THOC1: variants seen among roughly 807,000 people sequenced by gnomAD.
The protein encoded by THOC1 is THO complex subunit 1.
THOC1 carries 29 observed loss-of-function variants against 97.3 expected under a neutral mutation model. The observed-to-expected ratio is 0.30, with a 90% CI of 0.22 to 0.41. The LOEUF (loss-of-function observed/expected upper bound fraction) is 0.41, where lower values mean the gene tolerates loss of function less well. Ranked by LOEUF, THOC1 falls within the 10% of genes least tolerant of loss-of-function variation. THOC1 has a pLI of 1.00. For missense variants in THOC1, 529 were observed against 761.9 expected, an observed-to-expected ratio of 0.69 and a Z score of 3.60; for synonymous variants, 255 against 257.0, an observed-to-expected ratio of 0.99 and a Z score of 0.07.
chr18:237,696 G>T (rs963668610), intron 11 of THOC1, among the ~76,000 whole-genome samples: 4 of 152,120 alleles, frequency 2.6e-5, no homozygotes, highest in Non-Finnish European at 5.9e-5. Flanking sequence ...TTTCACAAAT[G>T]TGTTAGATAT....
At position 248,336 on chromosome 18, in the gene THOC1, G is replaced by A. The variant is rs142949214; in HGVS notation, c.678-379C>T. On this transcript the variant is annotated intron_variant, in intron 9 of 20. Coordinates refer to ENST00000261600, the MANE Select transcript of THOC1 (RefSeq NM_005131.3). ...TTATCACTGGCCTTTTCCTCTTCCT[G>A]CTGGCTAGAATGCAGATGTGAGCGT... Among the ~76,000 whole-genome samples the A allele has an allele frequency of 2.1e-3, 326 of 152,250 alleles. 2 individuals are homozygous for A. Among genetic ancestry groups the A allele is most frequent in the African/African-American group, 7.6e-3 (317 of 41,534 alleles).
At chr18:216,385 G>T in intron 19 of THOC1, 101 bp downstream of exon 19, 1 of 1,300,216 alleles carries the variant, frequency 7.7e-7, no homozygotes. Context: ...GTGGATCACT[G>T]GTTTTTCACA....
rs1912541387 is a variant in THOC1, at chr18:259,615, T to C, written c.424+67A>G. 3 of 1,177,608 alleles carry C rather than the reference T, an allele frequency of 2.5e-6. No homozygotes were observed. The Admixed American group carries it at 7.1e-5, about 28-fold the overall frequency. The allele number at this position is 1,177,608 out of a possible 1,614,324, so 72.9% of individuals were successfully genotyped here. A position where few individuals can be genotyped will look rare whatever the true frequency, so the allele number is the denominator to read the frequency against. ...TAAAATGTTATCACTGGTATTTAAT[T>C]CAACCATGTGTTTTTCTGGGCATAT... is the stretch of plus-strand genomic sequence containing the variant. On this transcript the variant is annotated intron_variant, in intron 6 of 20. Transcript: ENST00000261600.
intron 18 of THOC1, 94 bp from the exon 19 acceptor site, chr18:216,727 T>C: frequency 7.1e-7 from 1 of 1,407,064 alleles, no homozygotes. Flanking sequence ...GTATTTAAGG[T>C]AAATAGCTCA....
chr18:249,961 G>A (rs546814780), intron 9 of THOC1, among the ~76,000 whole-genome samples: 12 of 152,156 alleles, frequency 7.9e-5, no homozygotes, highest in Non-Finnish European at 1.6e-4. Context: ...TGAGACTCAT[G>A]CAACCATTAT....
chr18:240,374 G>A (rs1166557120), intron 11 of THOC1, among the ~76,000 whole-genome samples: 1 of 152,032 alleles, frequency 6.6e-6, no homozygotes, highest in Non-Finnish European at 1.5e-5. Flanking sequence ...CACACACAGA[G>A]GTTATTCTAA....
intron 11 of THOC1, among the ~76,000 whole-genome samples, chr18:243,018 G>A (rs1016086156): frequency 1.3e-5 from 2 of 152,134 alleles, no homozygotes; most frequent in Non-Finnish European, 2.9e-5. Context: ...TATGAAGAAT[G>A]TACAAAGAGG....
At position 214,570 on chromosome 18, in the gene THOC1, ATGC is replaced by A. The variant is rs1211290812; in HGVS notation, c.*53_*55del. 2.1e-6 allele frequency: 3 copies of A among 1,445,298 alleles called. No homozygotes were observed. In the African/African-American group the frequency reaches 4.3e-5, roughly 21 times the overall value. 89.5% of individuals were successfully genotyped at this position (1,445,298 alleles called of 1,614,324 possible). A position where few individuals can be genotyped will look rare whatever the true frequency, so the allele number is the denominator to read the frequency against. On this transcript the variant is annotated 3_prime_UTR_variant, in exon 21 of 21. Coordinates refer to ENST00000261600, the MANE Select transcript of THOC1 (RefSeq NM_005131.3). The stretch of plus-strand genomic sequence containing the variant: ...CCAAAACCAGTGGACCTCTTATCAA[ATGC>A]TGCTTGGTAACAAAATCTATCACAG...
intron 16 of THOC1, 132 bp from the exon 17 acceptor site, chr18:223,637 C>T (rs1340859021): frequency 3.0e-6 from 2 of 675,152 alleles, no homozygotes; most frequent in East Asian, 2.9e-5. Context: ...TTACTTTTCT[C>T]AATAATTTTT....
chr18:263,947 G>C, intron 4 of THOC1, 79 bp downstream of exon 4: 2 of 1,098,666 alleles, frequency 1.8e-6, no homozygotes, highest in Non-Finnish European at 2.7e-6. Flanking sequence ...AGGTGGAGAA[G>C]TATGGGGAGA....
intron 17 of THOC1, among the ~76,000 whole-genome samples, chr18:222,294 T>C (rs1911120040): frequency 6.6e-6 from 1 of 152,226 alleles, no homozygotes; most frequent in Non-Finnish European, 1.5e-5. Context: ...TCTTCATGTT[T>C]ACCAAAGTGT....
chr18:223,353 T>C (rs1567843548), intron 17 of THOC1, 87 bp downstream of exon 17: 2 of 1,065,268 alleles, frequency 1.9e-6, no homozygotes, highest in South Asian at 1.8e-5. Context: ...TAAATTTCAT[T>C]TGAGCTCTGA....
rs1430666903 is a variant in THOC1 at position 254,096 on chromosome 18, G to A, written c.603+177C>T. Reference sequence around the variant, plus strand: ...CTGCTAATTTTTGTACTTTTTTGTAGGAATGAGGATTTGCCATGTTGTCCA... The same window carrying A: ...CTGCTAATTTTTGTACTTTTTTGTAAGAATGAGGATTTGCCATGTTGTCCA... On this transcript the variant is annotated intron_variant, in intron 8 of 20. Transcript: ENST00000261600. The surrounding 1 kb of genome is among the most constrained non-coding windows in gnomAD (Gnocchi z 4.1). 6.6e-6 allele frequency among the ~76,000 whole-genome samples: 1 copy of A among 151,564 alleles called. No individual in the cohort carries two copies. The highest frequency in any genetic ancestry group is 2.4e-5 in the African/African-American group (1 of 41,248).
At chr18:241,929 C>G (rs1351935396) in intron 11 of THOC1, among the ~76,000 whole-genome samples, 2 of 152,092 alleles carry the variant, frequency 1.3e-5, no homozygotes, top group African/African-American at 2.4e-5. Flanking sequence ...AATAAGCAAC[C>G]CAGGTGTATC....
In THOC1 at chr18:225,127, T is replaced by C; in HGVS notation, c.1099A>G (p.Asn367Asp). ...TKSVYQLLSE[N>D]PPDGERFSKM... ...GAAAATCTTTCTCCATCGGGGGGGTTTTCAGATAGTAGCTGTGATTAGAAA... is the reference window on the plus strand; with the variant it reads ...GAAAATCTTTCTCCATCGGGGGGGTCTTCAGATAGTAGCTGTGATTAGAAA... The change falls in exon 14 of 21, where the codon AAC becomes GAC. Residue 367 changes from asparagine (N) to aspartate (D), a missense_variant. Asn to Asp is a conservative substitution (Grantham distance 23). Coordinates refer to ENST00000261600, the MANE Select transcript of THOC1 (RefSeq NM_005131.3). 1 of 1,575,956 alleles carries C rather than the reference T, an allele frequency of 6.3e-7. No homozygotes were observed. Among genetic ancestry groups the C allele is most frequent in the Non-Finnish European group, 8.6e-7 (1 of 1,159,266 alleles).
intron 11 of THOC1, among the ~76,000 whole-genome samples, chr18:238,474 T>C (rs1025114506): frequency 4.6e-5 from 7 of 152,182 alleles, no homozygotes; most frequent in African/African-American, 1.7e-4. Flanking sequence ...TATCATAGAG[T>C]GTACTTAACA....
At position 265,562 on chromosome 18, in the gene THOC1, A is replaced by G. The variant is rs367866472; in HGVS notation, c.55-32T>C. The G allele has an allele frequency of 1.1e-5, 16 of 1,495,662 alleles. No homozygotes were observed. In the African/African-American group the frequency reaches 2.1e-4, roughly 20 times the overall value. 92.6% of individuals were successfully genotyped at this position (1,495,662 alleles called of 1,614,324 possible). ...AAAAATTAAAATGGCAAATAATTGT[A>G]AAGATTTTGCTTATTATTTGCTGAA... On this transcript the variant is annotated intron_variant, in intron 1 of 20. Transcript: ENST00000261600.
chr18:215,365 C>G, intron 20 of THOC1, 64 bp downstream of exon 20: 1 of 1,200,226 alleles, frequency 8.3e-7, no homozygotes, highest in Non-Finnish European at 1.2e-6. Context: ...AATAATGTAC[C>G]TATCAACAAA....
chr18:227,416 G>A (rs1378148924), intron 11 of THOC1, among the ~76,000 whole-genome samples: 1 of 152,040 alleles, frequency 6.6e-6, no homozygotes, highest in African/African-American at 2.4e-5. Flanking sequence ...AATATCAACG[G>A]GGACCACTCA....
Sources: gnomAD v4.1 joint callset for allele counts (sites outside exome capture counted in the v4.1 genomes callset) on GRCh38, gnomAD v4.1.1 for gene constraint, Gnocchi (gnomAD v3.1) non-coding constraint, MANE v1.5 for transcripts, NCBI Gene and HGNC (gene_info 2026-07-23, HGNC 2026-07-21) for gene names.